The following NMU variants were observed in gnomAD, a reference collection of about 807,000 sequenced individuals.
NMU encodes neuromedin U, also known as neuromedin-U.
In NMU, 29 loss-of-function variants were observed where a neutral mutation model predicts 35.4. The ratio of observed to expected loss-of-function variants is 0.82; its 90% CI spans 0.61 to 1.12. The LOEUF is 1.12. Ranked by LOEUF, NMU falls within the 50% of genes most tolerant of loss-of-function variation. NMU has a pLI of 0.00. For synonymous variants in NMU, 78 were observed against 81.3 expected (o/e 0.96, Z 0.22); for missense variants, 199 against 206.2 (o/e 0.97, Z 0.21).
chr4:55,625,169 TAAAAAA>T (rs760890031), intron 2 of NMU, among the ~76,000 whole-genome samples: 2 of 98,344 alleles, frequency 2.0e-5, no homozygotes, highest in Non-Finnish European at 3.8e-5. Flanking sequence ...AAAGTATAAT[TAAAAAA>T]AAAAAAAAAA....
chr4:55,626,141 A>T (rs186049224), intron 2 of NMU, among the ~76,000 whole-genome samples: 27 of 152,200 alleles, frequency 1.8e-4, no homozygotes, highest in African/African-American at 6.3e-4. Context: ...CCTTGTTAAC[A>T]TTTGCGATTA....
chr4:55,630,488 AATTTTATAGC>A, intron 1 of NMU, 28 bp from the exon 2 acceptor site: 8 of 1,544,910 alleles, frequency 5.2e-6, no homozygotes, highest in Non-Finnish European at 7.2e-6. Context: ...GCCACAGATT[AATTTTATAGC>A]ATTTCTTCTA....
intron 2 of NMU, among the ~76,000 whole-genome samples, chr4:55,627,031 C>T (rs572265459): frequency 3.9e-5 from 6 of 152,302 alleles, no homozygotes; most frequent in Admixed American, 2.0e-4. Context: ...CTGCTGTCAG[C>T]GGTGCAGTCA....
intron 1 of NMU, among the ~76,000 whole-genome samples, chr4:55,633,312 G>A (rs1338465584): frequency 2.7e-5 from 4 of 146,742 alleles, no homozygotes; most frequent in Non-Finnish European, 6.0e-5. Flanking sequence ...GCAACAGATC[G>A]AGATTCTGTC....
intron 4 of NMU, among the ~76,000 whole-genome samples, chr4:55,608,146 G>C (rs978979937): frequency 2.2e-5 from 3 of 136,394 alleles, no homozygotes; most frequent in Non-Finnish European, 4.5e-5. Context: ...CTGTACTCCA[G>C]CCTGGGCGAC....
rs1241674627 is a variant in NMU at position 55,603,969 on chromosome 4, G to A, written c.435+1306C>T. 6.4e-4 allele frequency among the ~76,000 whole-genome samples: 34 copies of A among 52,766 alleles called. 2 individuals are homozygous for A. Among genetic ancestry groups the A allele is most frequent in the African/African-American group, 2.3e-3 (33 of 14,258 alleles). The allele number at this position is 52,766 out of a possible 152,430, so 34.6% of individuals were successfully genotyped here. A position where few individuals can be genotyped will look rare whatever the true frequency, so the allele number is the denominator to read the frequency against. On this transcript the variant is annotated intron_variant, in intron 7 of 9. Coordinates refer to ENST00000264218, the MANE Select transcript of NMU (RefSeq NM_006681.4). ...TATGTATATATGTGTATATATATACGTATATATGTATATATGTGTATATAT... is the reference window on the plus strand; with the variant it reads ...TATGTATATATGTGTATATATATACATATATATGTATATATGTGTATATAT...
intron 2 of NMU, among the ~76,000 whole-genome samples, chr4:55,626,246 A>G (rs777829931): frequency 1.3e-5 from 2 of 152,154 alleles, no homozygotes; most frequent in African/African-American, 2.4e-5. Flanking sequence ...GAACATCTTT[A>G]TATGTTTTAG....
intron 9 of NMU, among the ~76,000 whole-genome samples, chr4:55,597,641 C>G (rs1490515650): frequency 6.6e-6 from 1 of 152,192 alleles, no homozygotes; most frequent in African/African-American, 2.4e-5. Context: ...GCTGGGATTA[C>G]AGGCGTGAGC....
intron 4 of NMU, among the ~76,000 whole-genome samples, chr4:55,607,860 G>T (rs1373379499): frequency 6.6e-6 from 1 of 152,118 alleles, no homozygotes; most frequent in East Asian, 1.9e-4. Flanking sequence ...TTATGAGTTG[G>T]TTTTGATGTC....
intron 6 of NMU, 143 bp from the exon 7 acceptor site, chr4:55,605,492 T>C (rs1733644921): frequency 1.9e-5 from 14 of 722,854 alleles, no homozygotes; most frequent in Non-Finnish European, 3.1e-5. Flanking sequence ...CTAAAACAGG[T>C]CTTTGGGAGC....
chr4:55,603,769 G>A (rs985118599), intron 7 of NMU, among the ~76,000 whole-genome samples: 1 of 150,880 alleles, frequency 6.6e-6, no homozygotes, highest in Non-Finnish European at 1.5e-5. Context: ...CAAATTAGCC[G>A]GGCGTAGCGG....
chr4:55,633,266 A>C (rs958991585), intron 1 of NMU, among the ~76,000 whole-genome samples: 13 of 151,052 alleles, frequency 8.6e-5, no homozygotes, highest in African/African-American at 3.2e-4. Context: ...CGGAGCTTGC[A>C]GTGAGCCCAG....
chr4:55,604,159 C>T (rs1433877053), intron 7 of NMU, among the ~76,000 whole-genome samples: 7 of 149,348 alleles, frequency 4.7e-5, no homozygotes, highest in South Asian at 4.3e-4. Flanking sequence ...TCTGCCTCCC[C>T]GGTTCAAGCG....
chr4:55,632,112 A>G (rs1290287540), intron 1 of NMU, among the ~76,000 whole-genome samples: 2 of 152,134 alleles, frequency 1.3e-5, no homozygotes, highest in Non-Finnish European at 2.9e-5. Flanking sequence ...AGCTATGAGG[A>G]CACAAAACAT....
intron 8 of NMU, among the ~76,000 whole-genome samples, chr4:55,599,796 G>C (rs1171485123): frequency 6.6e-6 from 1 of 152,054 alleles, no homozygotes; most frequent in Admixed American, 6.5e-5. Context: ...GGAAATCACA[G>C]CCTTTGGACT....
intron 2 of NMU, among the ~76,000 whole-genome samples, chr4:55,619,803 C>T (rs1379734970): frequency 1.1e-4 from 16 of 146,096 alleles, no homozygotes; most frequent in Admixed American, 4.2e-4. Flanking sequence ...TCTCCCAGCA[C>T]GCAGCTGGAG....
Position 55,629,395 on chromosome 4 carries a change from T to C in NMU, c.171+1007A>G, listed in dbSNP as rs544078579. Among the ~76,000 whole-genome samples the C allele has an allele frequency of 6.0e-5, 9 of 150,906 alleles. No individual in the cohort carries two copies. The East Asian group carries it at 1.8e-3, about 30-fold the overall frequency. ...CAGCACTTTGGGAGGCTGAGGTGGG[T>C]GGATCATGAGGTCAAGAGATGGAGA... On this transcript the variant is annotated intron_variant, in intron 2 of 9. Coordinates refer to ENST00000264218, the MANE Select transcript of NMU (RefSeq NM_006681.4).
intron 2 of NMU, among the ~76,000 whole-genome samples, chr4:55,626,825 G>T (rs1043510289): frequency 3.9e-5 from 6 of 152,126 alleles, no homozygotes; most frequent in African/African-American, 1.2e-4. Flanking sequence ...AATGTTTTTG[G>T]CCTTACGATT....
At chr4:55,595,632 T>C (rs1232161159) in intron 9 of NMU, among the ~76,000 whole-genome samples, 2 of 108,638 alleles carry the variant, frequency 1.8e-5, no homozygotes, top group Non-Finnish European at 3.5e-5. Flanking sequence ...TGTATATATA[T>C]ATATATATAT....
Sources: gnomAD v4.1 joint callset for allele counts (sites outside exome capture counted in the v4.1 genomes callset) on GRCh38, gnomAD v4.1.1 for gene constraint, MANE v1.5 for transcripts, NCBI Gene and HGNC (gene_info 2026-07-23, HGNC 2026-07-21) for gene names.